Variants in ALOX5 observed in about 807,000 individuals in gnomAD.
ALOX5 encodes arachidonate 5-lipoxygenase, also known as polyunsaturated fatty acid 5-lipoxygenase.
Under a neutral mutation model 87.9 loss-of-function variants are expected in ALOX5, and 64 were observed. The observed-to-expected ratio is 0.73, with a 90% CI of 0.60 to 0.90. The LOEUF is 0.90. Ranked by LOEUF, ALOX5 falls within the 40% of genes least tolerant of loss-of-function variation. The probability of loss-of-function intolerance (pLI) is 0.00; values close to 1 mark genes in which losing one functional copy is unlikely to be tolerated. For synonymous variants in ALOX5, 388 were observed against 355.1 expected (o/e 1.09, Z -1.04); for missense variants, 822 against 907.5 (o/e 0.91, Z 1.21).
rs1328801433 is a variant in ALOX5 at position 45,444,299 on chromosome 10, A to T, written c.1845+13A>T. On this transcript the variant is annotated intron_variant, in intron 13 of 13. Transcript: ENST00000374391. ...CCAGGAAAACGAGGTGAAGCTGGGCAGGGCGGGGCACAGCCCCAGGTCACC... is the reference window on the plus strand; with the variant it reads ...CCAGGAAAACGAGGTGAAGCTGGGCTGGGCGGGGCACAGCCCCAGGTCACC... 1 of 1,545,826 alleles carries T rather than the reference A, an allele frequency of 6.5e-7. No homozygotes were observed. The highest frequency in any genetic ancestry group is 1.2e-5 in the South Asian group (1 of 83,762).
At chr10:45,445,478 C>T (rs369981086) in intron 13 of ALOX5, 30 bp from the exon 14 acceptor site, 1 of 1,605,438 alleles carries the variant, frequency 6.2e-7, no homozygotes, top group Non-Finnish European at 8.5e-7. Flanking sequence ...GTGGATTGAC[C>T]TATGTGTGTG....
Position 45,443,821 on chromosome 10 carries a change from TC to T in ALOX5, c.1668del (p.Phe556LeufsTer28). 1 of 1,606,256 alleles carries T rather than the reference TC, an allele frequency of 6.2e-7. No homozygotes were observed. Among genetic ancestry groups the T allele is most frequent in the Non-Finnish European group, 8.5e-7 (1 of 1,176,946 alleles). On this transcript the variant is annotated frameshift_variant, in exon 12 of 14. Transcript: ENST00000374391. LOFTEE classifies it high-confidence loss of function. ...TCCGCCCAGCACGCCGCGGTCAACT[TC>T]GGCCAGGTAGGCAGGGCCGGGCCCG... Reference protein sequence around the residue: ...TASAQHAAVNFGQYDWCSWIP... With the variant: ...TASAQHAAVNXGQYDWCSWIP...
chr10:45,434,615 C>T (rs1239969949), intron 7 of ALOX5, among the ~76,000 whole-genome samples: 1 of 152,206 alleles, frequency 6.6e-6, no homozygotes, highest in Non-Finnish European at 1.5e-5. Flanking sequence ...ACAAATAGCT[C>T]CTTCAAACTG....
chr10:45,415,518 T>C (rs1841251778), intron 4 of ALOX5, among the ~76,000 whole-genome samples: 1 of 152,110 alleles, frequency 6.6e-6, no homozygotes, highest in Non-Finnish European at 1.5e-5. Flanking sequence ...ACATGGCACA[T>C]GTATACATAT....
rs1367104333 is a variant in ALOX5 at position 45,421,998 on chromosome 10, A to G, written c.555-2043A>G. On this transcript the variant is annotated intron_variant, in intron 4 of 13. Coordinates refer to ENST00000374391, the MANE Select transcript of ALOX5 (RefSeq NM_000698.5). ...CTTGTGGCCCCAGGACCCTCTCCTG[A>G]GCATCATGGCCTCCTAGGAGACCCA... Among the ~76,000 whole-genome samples, 6 of 152,188 alleles carry G rather than the reference A, an allele frequency of 3.9e-5. 1 individual carries two copies. In the South Asian group the frequency reaches 1.2e-3, roughly 31 times the overall value.
intron 3 of ALOX5, among the ~76,000 whole-genome samples, chr10:45,402,505 G>T (rs1179575357): frequency 6.6e-6 from 1 of 152,194 alleles, no homozygotes; most frequent in Non-Finnish European, 1.5e-5. Flanking sequence ...AGAAGGAGAA[G>T]AAATCAGACT....
Position 45,425,178 on chromosome 10 carries a change from A to G in ALOX5, c.834+46A>G. 6.3e-7 allele frequency: 1 copy of G among 1,583,852 alleles called. No individual in the cohort carries two copies. On this transcript the variant is annotated intron_variant, in intron 6 of 13. Transcript: ENST00000374391. The surrounding 1 kb of genome is among the most constrained non-coding windows in gnomAD (Gnocchi z 4.4). ...GAAGTGGCCAAGGTCACAGTCTGTC[A>G]GGTGGAAGCCAGTTCCTCCTGGCCA...
intron 7 of ALOX5, among the ~76,000 whole-genome samples, chr10:45,436,541 G>T (rs1429374638): frequency 6.6e-6 from 1 of 152,002 alleles, no homozygotes; most frequent in Non-Finnish European, 1.5e-5. Context: ...TGTTGATTTT[G>T]TCAAAAATCA....
intron 3 of ALOX5, among the ~76,000 whole-genome samples, chr10:45,408,625 C>A (rs138211056): frequency 1.2e-3 from 183 of 152,226 alleles, no homozygotes; most frequent in Non-Finnish European, 2.0e-3. Context: ...GAATGCTGAT[C>A]AGTTGTGCCT....
At chr10:45,419,368 G>C (rs1841419388) in intron 4 of ALOX5, among the ~76,000 whole-genome samples, 1 of 152,188 alleles carries the variant, frequency 6.6e-6, no homozygotes, top group Non-Finnish European at 1.5e-5. Context: ...GAGTCCAGGG[G>C]TTGGGTTGAG....
At chr10:45,387,422 AG>A (rs1351338326) in intron 2 of ALOX5, among the ~76,000 whole-genome samples, 1 of 152,180 alleles carries the variant, frequency 6.6e-6, no homozygotes, top group Non-Finnish European at 1.5e-5. Context: ...GTTTTTGCTC[AG>A]TATAAGAATT....
At chr10:45,412,542 T>C (rs1841104862) in intron 4 of ALOX5, among the ~76,000 whole-genome samples, 1 of 152,136 alleles carries the variant, frequency 6.6e-6, no homozygotes, top group African/African-American at 2.4e-5. Flanking sequence ...CAGACATACA[T>C]GTGTTTTTGG....
rs2132863301 is a variant in ALOX5, at chr10:45,443,512, C to T, written c.1548C>T (p.Tyr516=). ...ACTTCGTGAACGATGTCTACGTGTA[C>T]GGCATGCGGGGCCGCAAGTCCTCAG... ...LQDFVNDVYV[Y]GMRGRKSSGF... The change falls in exon 11 of 14, where the codon TAC becomes TAT. Residue 516 remains tyrosine (Y), a synonymous_variant. Transcript: ENST00000374391. 6.2e-7 allele frequency: 1 copy of T among 1,612,972 alleles called. No individual in the cohort carries two copies. The highest frequency in any genetic ancestry group is 2.2e-5 in the East Asian group (1 of 44,832).
At chr10:45,443,385 T>A in intron 10 of ALOX5, 31 bp from the exon 11 acceptor site, 1 of 1,594,974 alleles carries the variant, frequency 6.3e-7, no homozygotes, top group Non-Finnish European at 8.5e-7. Context: ...CCTGGCTGGG[T>A]CGCCCACCCC....
chr10:45,445,340 C>T (rs1022083180), intron 13 of ALOX5, among the ~76,000 whole-genome samples, 168 bp from the exon 14 acceptor site: 1 of 152,234 alleles, frequency 6.6e-6, no homozygotes, highest in Non-Finnish European at 1.5e-5. Flanking sequence ...ACGACACTTG[C>T]CTTCCCGAGG....
chr10:45,415,870 C>T (rs957011019), intron 4 of ALOX5, among the ~76,000 whole-genome samples: 9 of 152,340 alleles, frequency 5.9e-5, no homozygotes, highest in African/African-American at 1.7e-4. Flanking sequence ...CTGTAGCTAT[C>T]TTCGTTTCTT....
intron 4 of ALOX5, among the ~76,000 whole-genome samples, chr10:45,414,496 C>T (rs1244499953): frequency 6.6e-6 from 1 of 152,142 alleles, no homozygotes; most frequent in African/African-American, 2.4e-5. Context: ...TAGAAGAAAA[C>T]CTAGGCAATA....
At chr10:45,415,810 C>A (rs1841268592) in intron 4 of ALOX5, among the ~76,000 whole-genome samples, 1 of 152,246 alleles carries the variant, frequency 6.6e-6, no homozygotes, top group African/African-American at 2.4e-5. Context: ...TACATCAGCA[C>A]TTGATAAGGT....
chr10:45,406,108 T>C (rs1840875376), intron 3 of ALOX5, among the ~76,000 whole-genome samples: 2 of 152,148 alleles, frequency 1.3e-5, no homozygotes, highest in South Asian at 4.1e-4. Context: ...CTTTCTCCAG[T>C]CCTGTGAAAG....
Sources: gnomAD v4.1 joint callset for allele counts (sites outside exome capture counted in the v4.1 genomes callset) on GRCh38, gnomAD v4.1.1 for gene constraint, Gnocchi (gnomAD v3.1) non-coding constraint, MANE v1.5 for transcripts, NCBI Gene and HGNC (gene_info 2026-07-23, HGNC 2026-07-21) for gene names.